KMT2E: variants seen among roughly 807,000 people sequenced by gnomAD.
KMT2E encodes the protein histone reader KMT2E.
KMT2E carries 30 observed loss-of-function variants against 184.6 expected under a neutral mutation model. The ratio of observed to expected loss-of-function variants is 0.16; its 90% CI spans 0.12 to 0.22. The LOEUF is 0.22. Among genes scored for constraint, KMT2E ranks in the 10% least tolerant of loss-of-function variants. KMT2E has a pLI of 1.00. For missense variants in KMT2E, 2,023 were observed against 2,237.4 expected, an observed-to-expected ratio of 0.90 and a Z score of 1.93; for synonymous variants, 815 against 776.5, an observed-to-expected ratio of 1.05 and a Z score of -0.82.
rs754529630 is a variant in KMT2E, at chr7:105,105,903, A to G, written c.2496A>G (p.Leu832=). The stretch of plus-strand genomic sequence containing the variant: ...TGGAAGAAGAAAATTCAGCAATTTT[A>G]CATAGATTTAATTCACCCTGTCAAG... ...QALEEENSAI[L]HRFNSPCQER... is the part of the protein sequence containing the mutation. The change falls in exon 19 of 27, where the codon TTA becomes TTG. Residue 832 remains leucine, a synonymous_variant. Coordinates refer to ENST00000311117, the MANE Select transcript of KMT2E (RefSeq NM_182931.3). The G allele has an allele frequency of 3.7e-6, 6 of 1,613,524 alleles. No individual in the cohort carries two copies. Among genetic ancestry groups the G allele is most frequent in the South Asian group, 1.1e-5 (1 of 90,944 alleles).
intron 1 of KMT2E, among the ~76,000 whole-genome samples, chr7:105,021,384 C>T (rs1794944890): frequency 6.6e-6 from 1 of 152,160 alleles, no homozygotes; most frequent in Admixed American, 6.5e-5. Context: ...ACCACAGATG[C>T]AGAGAGAGAT....
At chr7:105,021,132 A>G (rs1794931984) in intron 1 of KMT2E, among the ~76,000 whole-genome samples, 2 of 152,220 alleles carry the variant, frequency 1.3e-5, no homozygotes, top group African/African-American at 2.4e-5. Flanking sequence ...AAGATTCATG[A>G]TGTGACTAAT....
At chr7:105,048,277 T>G (rs906340822) in intron 3 of KMT2E, among the ~76,000 whole-genome samples, 1 of 152,200 alleles carries the variant, frequency 6.6e-6, no homozygotes, top group Admixed American at 6.5e-5. Flanking sequence ...GCTCAAGTGA[T>G]CTGTCTGCCT....
At chr7:105,046,595 C>G (rs1044543383) in intron 3 of KMT2E, among the ~76,000 whole-genome samples, 1 of 152,080 alleles carries the variant, frequency 6.6e-6, no homozygotes, top group Admixed American at 6.6e-5. Flanking sequence ...AAATGGAATG[C>G]AAGATCTTTT....
At chr7:105,087,509 C>A (rs1020597775) in intron 13 of KMT2E, among the ~76,000 whole-genome samples, 1 of 150,892 alleles carries the variant, frequency 6.6e-6, no homozygotes, top group African/African-American at 2.4e-5. Context: ...CTGCAACCTC[C>A]GCCTCCTGTG....
intron 6 of KMT2E, among the ~76,000 whole-genome samples, chr7:105,068,600 C>T (rs930473157): frequency 6.7e-6 from 1 of 148,804 alleles, no homozygotes; most frequent in Non-Finnish European, 1.5e-5. Context: ...CTACAGGCAT[C>T]GCCACCATGC....
chr7:105,111,719 C>A lies in KMT2E; in HGVS notation c.4069-106C>A. 6 of 1,280,036 alleles carry A rather than the reference C, an allele frequency of 4.7e-6. No individual in the cohort carries two copies. In the South Asian group the frequency reaches 7.8e-5, roughly 17 times the overall value. 79.3% of individuals were successfully genotyped at this position (1,280,036 alleles called of 1,614,324 possible). ...GACGTATCCAGGATGTTATTTCCTG[C>A]CCCCCATTAAAATTAATATTTAGGT... On this transcript the variant is annotated intron_variant, in intron 26 of 26. Transcript: ENST00000311117.
rs544280399 is a variant in KMT2E at position 105,043,389 on chromosome 7, A to ACTAC, written c.71+2367_71+2370dup. 3.0e-3 allele frequency among the ~76,000 whole-genome samples: 449 copies of ACTAC among 151,378 alleles called. 13 individuals are homozygous for ACTAC. In the East Asian group the frequency reaches 0.062, roughly 21 times the overall value. ...GTAGCTGGGACTACAGGCGCCCGCC[A>ACTAC]CTACGCCCGGCTAATTTTTTGTATT... On this transcript the variant is annotated intron_variant, in intron 3 of 26. Coordinates refer to ENST00000311117, the MANE Select transcript of KMT2E (RefSeq NM_182931.3).
intron 1 of KMT2E, among the ~76,000 whole-genome samples, chr7:105,037,707 T>C (rs1398525810): frequency 2.6e-5 from 4 of 152,226 alleles, no homozygotes; most frequent in Non-Finnish European, 5.9e-5. Flanking sequence ...GCTTCAGTCT[T>C]CCAGTTTTTC....
rs566649837 is a variant in KMT2E, at chr7:105,088,950, A to G, written c.1359-1059A>G. ...GCTATCATTCTTTAAAGGGTAAGAC[A>G]AACTAGTTGAGGTTCAGTATTTGTT... On this transcript the variant is annotated intron_variant, in intron 13 of 26. Coordinates refer to ENST00000311117, the MANE Select transcript of KMT2E (RefSeq NM_182931.3). Among the ~76,000 whole-genome samples the G allele has an allele frequency of 1.3e-4, 20 of 152,356 alleles. No homozygotes were observed. The South Asian group carries it at 3.5e-3, about 27-fold the overall frequency.
In KMT2E at chr7:105,090,091, A is replaced by G. The variant is rs1269263252; in HGVS notation, c.1441A>G (p.Ile481Val). The stretch of plus-strand genomic sequence containing the variant: ...ACGTAGTTCTGAATCCATGGAAAAT[A>G]TCAATAGTGGTTATGAGACCAGACG... ...LKRSSESMEN[I>V]NSGYETRRKK... Residue 481 changes from isoleucine to valine, a missense_variant, in exon 14 of 27, where the codon ATC becomes GTC. Ile to Val is a conservative substitution (Grantham distance 29). Around this residue, in one of 8 missense-constraint regions of KMT2E, gnomAD observed 514 missense variants for 621.8 expected, o/e 0.83. Coordinates refer to ENST00000311117, the MANE Select transcript of KMT2E (RefSeq NM_182931.3). 2 of 1,613,734 alleles carry G rather than the reference A, an allele frequency of 1.2e-6. No homozygotes were observed. Among genetic ancestry groups the G allele is most frequent in the African/African-American group, 1.3e-5 (1 of 74,896 alleles).
chr7:105,083,736 A>T (rs1797849720), intron 13 of KMT2E, among the ~76,000 whole-genome samples: 1 of 152,090 alleles, frequency 6.6e-6, no homozygotes. Context: ...CCAGAATAGG[A>T]CATTTGTGTC....
At position 105,077,599 on chromosome 7, in the gene KMT2E, C is replaced by T. The variant is rs889555990; in HGVS notation, c.1130+166C>T. ...GTGACTGATGATAATTTTTGAACTA[C>T]GATAAACTAAAACAACATAAAAAAA... is the stretch of plus-strand genomic sequence containing the variant. On this transcript the variant is annotated intron_variant, in intron 11 of 26. Transcript: ENST00000311117. 7.9e-5 allele frequency: 45 copies of T among 572,520 alleles called. No individual in the cohort carries two copies. In the South Asian group the frequency reaches 9.2e-4, roughly 12 times the overall value. The allele number at this position is 572,520 out of a possible 1,614,324, so 35.5% of individuals were successfully genotyped here.
intron 22 of KMT2E, chr7:105,108,461 C>T (rs1022472868): frequency 4.9e-6 from 2 of 410,916 alleles, no homozygotes; most frequent in African/African-American, 2.1e-5. Flanking sequence ...TCAAAAGAAA[C>T]TATAGCACTT....
intron 1 of KMT2E, among the ~76,000 whole-genome samples, chr7:105,025,826 G>T (rs922827480): frequency 1.3e-5 from 2 of 152,178 alleles, no homozygotes; most frequent in Admixed American, 6.5e-5. Flanking sequence ...GAAGAAAATT[G>T]TAGTCAGTTT....
In KMT2E at chr7:105,074,643, A is replaced by G. The variant is rs1797454687; in HGVS notation, c.557A>G (p.Asp186Gly). 4 of 1,487,044 alleles carry G rather than the reference A, an allele frequency of 2.7e-6. No homozygotes were observed. The highest frequency in any genetic ancestry group is 2.4e-5 in the Admixed American group (1 of 40,882). 92.1% of individuals were successfully genotyped at this position (1,487,044 alleles called of 1,614,324 possible). ...LQRRKRENMS[D>G]GDTSATESGD... is the part of the protein sequence containing the mutation. ...GCAATAATTTTTATTTTGTCTGAAG[A>G]TGGTGATACCAGTGCAACTGAGAGT... Residue 186 changes from aspartate to glycine, a missense_variant and splice_region_variant, in exon 8 of 27, where the codon GAT becomes GGT. Coordinates refer to ENST00000311117, the MANE Select transcript of KMT2E (RefSeq NM_182931.3).
At chr7:105,070,632 CAAAAAAAAAAAAAAAA>C (rs57911728) in intron 6 of KMT2E, among the ~76,000 whole-genome samples, 1 of 59,532 alleles carries the variant, frequency 1.7e-5, no homozygotes, top group Non-Finnish European at 3.0e-5. Flanking sequence ...GACTGTGTCT[CAAAAAAAAAAAAAAAA>C]AAAAAAAAGC....
At position 105,109,164 on chromosome 7, in the gene KMT2E, A is replaced by C; in HGVS notation, c.3691A>C (p.Thr1231Pro). 1.2e-6 allele frequency: 2 copies of C among 1,614,132 alleles called. No individual in the cohort carries two copies. Among genetic ancestry groups the C allele is most frequent in the Non-Finnish European group, 1.7e-6 (2 of 1,180,014 alleles). ...AGTTTATAATGCCACTTCTGAAGAA[A>C]CTAGCAATAACTGCCCTGTTAAGGA... is the stretch of plus-strand genomic sequence containing the variant. ...ATVYNATSEE[T>P]SNNCPVKDAT... The change falls in exon 23 of 27, where the codon ACT (threonine) becomes CCT (proline). Residue 1231 changes from threonine (T) to proline (P), a missense_variant. Transcript: ENST00000311117.
chr7:105,050,080 A>G (rs1383833152), intron 3 of KMT2E, among the ~76,000 whole-genome samples: 4 of 152,194 alleles, frequency 2.6e-5, no homozygotes, highest in African/African-American at 4.8e-5. Flanking sequence ...ATGTAAATAT[A>G]ACAGAATTAT....
Sources: allele counts gnomAD v4.1 joint callset (sites outside exome capture counted in the v4.1 genomes callset), GRCh38; gene constraint gnomAD v4.1.1; regional missense constraint gnomAD v4.1.1; transcripts MANE v1.5; gene names NCBI Gene and HGNC (gene_info 2026-07-23, HGNC 2026-07-21).